Variants in PHACTR2 observed in about 807,000 individuals in gnomAD.
PHACTR2 encodes the protein phosphatase and actin regulator 2, also known as chromosome 6 open reading frame 56.
PHACTR2 carries 30 observed loss-of-function variants against 76.0 expected under a neutral mutation model. The ratio of observed to expected loss-of-function variants is 0.39; its 90% CI spans 0.30 to 0.54. The LOEUF is 0.54. PHACTR2 is among the 20% of genes least tolerant of loss of function. The pLI is 0.61. For missense variants in PHACTR2, 696 were observed against 781.1 expected, an observed-to-expected ratio of 0.89 and a Z score of 1.30; for synonymous variants, 292 against 292.5, an observed-to-expected ratio of 1.00 and a Z score of 0.02.
chr6:143,622,369 C>T (rs1429293655), intron 1 of PHACTR2, among the ~76,000 whole-genome samples: 2 of 152,170 alleles, frequency 1.3e-5, no homozygotes, highest in Non-Finnish European at 2.9e-5. Context: ...TGTGTTCCTG[C>T]TGCTTTGCTT....
chr6:143,680,017 G>C lies in PHACTR2; in HGVS notation c.46+1808G>C, dbSNP rs1777352796. On this transcript the variant is annotated intron_variant, in intron 1 of 12. Coordinates refer to ENST00000440869, the MANE Select transcript of PHACTR2 (RefSeq NM_001100164.2). The surrounding 1 kb of genome is among the most constrained non-coding windows in gnomAD (Gnocchi z 4.5). ...CAGGGTTTTTTATTTTTCAGTTAAG[G>C]AATGACAGTGGTTATGACTTAAGTT... Among the ~76,000 whole-genome samples, 1 of 151,890 alleles carries C rather than the reference G, an allele frequency of 6.6e-6. No homozygotes were observed. The highest frequency in any genetic ancestry group is 2.1e-4 in the South Asian group (1 of 4,818).
chr6:143,630,410 A>G (rs1397186721), intron 1 of PHACTR2, among the ~76,000 whole-genome samples: 2 of 151,836 alleles, frequency 1.3e-5, no homozygotes, highest in Non-Finnish European at 2.9e-5. Context: ...CTCTATAACT[A>G]CCTACCAGTT....
rs1027037891 is a variant in PHACTR2 at position 143,767,675 on chromosome 6, G to A, written c.1232+1877G>A. ...TCTTCTTTCCATGTCATCACATGGTGGAAGGTGGAAGGGCAGAGAGCACAA... is the reference window on the plus strand; with the variant it reads ...TCTTCTTTCCATGTCATCACATGGTAGAAGGTGGAAGGGCAGAGAGCACAA... On this transcript the variant is annotated intron_variant, in intron 6 of 12. Coordinates refer to ENST00000440869, the MANE Select transcript of PHACTR2 (RefSeq NM_001100164.2). The surrounding 1 kb of genome is among the most constrained non-coding windows in gnomAD (Gnocchi z 4.4). Among the ~76,000 whole-genome samples the A allele has an allele frequency of 6.6e-6, 1 of 152,132 alleles. No individual in the cohort carries two copies. Among genetic ancestry groups the A allele is most frequent in the Non-Finnish European group, 1.5e-5 (1 of 68,030 alleles).
intron 1 of PHACTR2, among the ~76,000 whole-genome samples, chr6:143,564,377 C>G (rs1775332446): frequency 6.6e-6 from 1 of 151,598 alleles, no homozygotes; most frequent in Non-Finnish European, 1.5e-5. Context: ...GGCTGAGACA[C>G]ATAATAATGC....
At chr6:143,705,586 G>A (rs1287965604) in intron 1 of PHACTR2, among the ~76,000 whole-genome samples, 2 of 152,168 alleles carry the variant, frequency 1.3e-5, no homozygotes, top group African/African-American at 4.8e-5. Flanking sequence ...ATGAGCCACC[G>A]TGCCTGGCCA....
intron 1 of PHACTR2, among the ~76,000 whole-genome samples, chr6:143,703,442 A>G (rs540249363): frequency 6.6e-6 from 1 of 152,316 alleles, no homozygotes; most frequent in African/African-American, 2.4e-5. Flanking sequence ...AACTGCCTTT[A>G]GATAACTTTG....
In PHACTR2 at chr6:143,664,770, G is replaced by T. The variant is rs79864574; in HGVS notation, c.14-47246G>T. Reference sequence around the variant, plus strand: ...TCATGCATACCACCCTTACCTCTAGGTTCATTTTCTTTCTTTATTTTTATT... The same window carrying T: ...TCATGCATACCACCCTTACCTCTAGTTTCATTTTCTTTCTTTATTTTTATT... On this transcript the variant is annotated intron_variant, in intron 1 of 11. Coordinates refer to the PHACTR2 transcript ENST00000305766. This position sits in a 1 kb window ranked among gnomAD's most constrained non-coding sequence, Gnocchi z 5.1. Among the ~76,000 whole-genome samples, 2,779 of 151,696 alleles carry T rather than the reference G, an allele frequency of 0.018. 85 individuals carry two copies. Among genetic ancestry groups the T allele is most frequent in the African/African-American group, 0.062 (2,560 of 41,380 alleles).
At position 143,553,096 on chromosome 6, in the gene PHACTR2, T is replaced by C. The variant is rs1301638007; in HGVS notation, c.217+15889T>C. On this transcript the variant is annotated intron_variant, in intron 1 of 11. Transcript: ENST00000367584. This position sits in a 1 kb window ranked among gnomAD's most constrained non-coding sequence, Gnocchi z 4.2. ...CAGCCCAGAAGTGTGGCTGAGGGGC[T>C]AAAACCCATGCACCACTCTTGACCC... is the stretch of plus-strand genomic sequence containing the variant. Among the ~76,000 whole-genome samples the C allele has an allele frequency of 6.6e-6, 1 of 152,162 alleles. No individual in the cohort carries two copies. Among genetic ancestry groups the C allele is most frequent in the Admixed American group, 6.5e-5 (1 of 15,270 alleles).
Position 143,581,645 on chromosome 6 carries a change from C to G in PHACTR2, c.217+44438C>G, listed in dbSNP as rs1006594368. On this transcript the variant is annotated intron_variant, in intron 1 of 11. Coordinates refer to the PHACTR2 transcript ENST00000367584. This position sits in a 1 kb window ranked among gnomAD's most constrained non-coding sequence, Gnocchi z 4.5. ...AGGAGTTTGAGACCAGGCTGGGCAA[C>G]ATGATGAAACCCTGTCTCTACCAAA... is the stretch of plus-strand genomic sequence containing the variant. 6.6e-6 allele frequency among the ~76,000 whole-genome samples: 1 copy of G among 152,074 alleles called. No homozygotes were observed. The highest frequency in any genetic ancestry group is 2.4e-5 in the African/African-American group (1 of 41,390).
At position 143,826,016 on chromosome 6, in the gene PHACTR2, T is replaced by A. The variant is rs1054452215; in HGVS notation, c.*2327T>A. ...CTTTTTCTTTACACTAATCGATACA[T>A]TTAGAAAAAATTTTCTAAGTTAGAG... On this transcript the variant is annotated 3_prime_UTR_variant, in exon 13 of 13. Coordinates refer to ENST00000440869, the MANE Select transcript of PHACTR2 (RefSeq NM_001100164.2). 1 of 151,638 alleles carries A rather than the reference T, an allele frequency of 6.6e-6. No homozygotes were observed. The highest frequency in any genetic ancestry group is 1.5e-5 in the Non-Finnish European group (1 of 67,948). 9.4% of individuals were successfully genotyped at this position (151,638 alleles called of 1,614,324 possible).
chr6:143,776,649 C>A lies in PHACTR2; in HGVS notation c.1590-679C>A, dbSNP rs1323223611. Among the ~76,000 whole-genome samples the A allele has an allele frequency of 1.3e-5, 2 of 151,994 alleles. No individual in the cohort carries two copies. Among genetic ancestry groups the A allele is most frequent in the Non-Finnish European group, 2.9e-5 (2 of 68,012 alleles). ...AGGCCCACACATACCTGGTTTGAAC[C>A]ACTGCAGTTTTTGGTCTCTGCTACA... On this transcript the variant is annotated intron_variant, in intron 8 of 12. Transcript: ENST00000440869. The surrounding 1 kb of genome is among the most constrained non-coding windows in gnomAD (Gnocchi z 5.3).
intron 10 of PHACTR2, among the ~76,000 whole-genome samples, chr6:143,786,477 T>A (rs1273017869): frequency 6.6e-6 from 1 of 152,216 alleles, no homozygotes; most frequent in Non-Finnish European, 1.5e-5. Flanking sequence ...TGTTCCAACA[T>A]CTGCCTGTTA....
chr6:143,760,661 C>T lies in PHACTR2; in HGVS notation c.694+21C>T, dbSNP rs746030110. 18 of 1,612,934 alleles carry T rather than the reference C, an allele frequency of 1.1e-5. No individual in the cohort carries two copies. The South Asian group carries it at 1.9e-4, about 17-fold the overall frequency. ...GGCTGGTGAGTATGCCCCCAGTGCCCTGTGGGGTCACTTCTAGGGTGCTTG... is the reference window on the plus strand; with the variant it reads ...GGCTGGTGAGTATGCCCCCAGTGCCTTGTGGGGTCACTTCTAGGGTGCTTG... On this transcript the variant is annotated intron_variant, in intron 5 of 12. Transcript: ENST00000440869. This position sits in a 1 kb window ranked among gnomAD's most constrained non-coding sequence, Gnocchi z 6.4.
At chr6:143,628,327 G>T (rs1776295748) in intron 1 of PHACTR2, among the ~76,000 whole-genome samples, 2 of 152,210 alleles carry the variant, frequency 1.3e-5, no homozygotes, top group Admixed American at 1.3e-4. Flanking sequence ...TGTGACTGAA[G>T]GCAGCATATA....
rs999775367 is a variant in PHACTR2 at position 143,621,863 on chromosome 6, G to C, written c.13+13541G>C. On this transcript the variant is annotated intron_variant, in intron 1 of 11. Coordinates refer to the PHACTR2 transcript ENST00000305766. This position sits in a 1 kb window ranked among gnomAD's most constrained non-coding sequence, Gnocchi z 4.1. The stretch of plus-strand genomic sequence containing the variant: ...TGATCACTTGGCCCCAGGTCCCCCT[G>C]CTCTGGCTCCCTGAGTTCCTGCCTT... Among the ~76,000 whole-genome samples, 1 of 152,202 alleles carries C rather than the reference G, an allele frequency of 6.6e-6. No individual in the cohort carries two copies. The highest frequency in any genetic ancestry group is 2.4e-5 in the African/African-American group (1 of 41,448).
intron 1 of PHACTR2, among the ~76,000 whole-genome samples, chr6:143,650,972 G>A (rs925496342): frequency 6.0e-5 from 9 of 151,154 alleles, no homozygotes; most frequent in Non-Finnish European, 4.4e-5. Context: ...TTAATACAAG[G>A]AACTTAAACA....
At chr6:143,644,454 T>C (rs570393936) in intron 1 of PHACTR2, among the ~76,000 whole-genome samples, 1,257 of 106,244 alleles carry the variant, frequency 0.012, 36 homozygotes, top group Admixed American at 0.1. Context: ...GGTGACAGAG[T>C]GGGACTCCAT....
At chr6:143,594,415 T>C (rs1775725925) in intron 1 of PHACTR2, among the ~76,000 whole-genome samples, 1 of 152,252 alleles carries the variant, frequency 6.6e-6, no homozygotes, top group Non-Finnish European at 1.5e-5. Context: ...ATGCCTGGCT[T>C]ATGCCAGCAC....
rs997823298 is a variant in PHACTR2, at chr6:143,580,484, CAAACAAAACA to C, written c.217+43296_217+43305del. 4.6e-5 allele frequency among the ~76,000 whole-genome samples: 7 copies of C among 151,484 alleles called. No individual in the cohort carries two copies. Among genetic ancestry groups the C allele is most frequent in the Non-Finnish European group, 8.8e-5 (6 of 67,842 alleles). On this transcript the variant is annotated intron_variant, in intron 1 of 11. Transcript: ENST00000367584. The surrounding 1 kb of genome is among the most constrained non-coding windows in gnomAD (Gnocchi z 4.2). ...TGGGCGACAGAGCGAGACTCCGTCT[CAAACAAAACA>C]AAACAAAACAAAACAAAAAATACAA...
Sources: gnomAD v4.1 joint callset for allele counts (sites outside exome capture counted in the v4.1 genomes callset) on GRCh38, gnomAD v4.1.1 for gene constraint, Gnocchi (gnomAD v3.1) non-coding constraint, MANE v1.5 for transcripts, NCBI Gene and HGNC (gene_info 2026-07-23, HGNC 2026-07-21) for gene names.